Variants in NLGN1 observed in about 807,000 individuals in gnomAD.
NLGN1 encodes neuroligin 1, also known as neuroligin-1.
NLGN1 carries 12 observed loss-of-function variants against 65.5 expected under a neutral mutation model. The ratio of observed to expected loss-of-function variants is 0.18; its 90% CI spans 0.12 to 0.30. The LOEUF (loss-of-function observed/expected upper bound fraction) is 0.30. Ranked by LOEUF, NLGN1 falls within the 10% of genes least tolerant of loss-of-function variation. The pLI is 1.00. For synonymous variants in NLGN1, 350 were observed against 359.5 expected (o/e 0.97, Z 0.30); for missense variants, 750 against 1,007.1 (o/e 0.74, Z 3.46).
At chr3:173,663,384 A>G (rs1577820591) in intron 3 of NLGN1, among the ~76,000 whole-genome samples, 1 of 152,058 alleles carries the variant, frequency 6.6e-6, no homozygotes, top group East Asian at 1.9e-4. Context: ...TTAACTTATT[A>G]AGGTTTTACA....
At chr3:173,890,395 T>C (rs1351762644) in intron 4 of NLGN1, among the ~76,000 whole-genome samples, 1 of 152,174 alleles carries the variant, frequency 6.6e-6, no homozygotes, top group Non-Finnish European at 1.5e-5. Context: ...GAGACCGCAG[T>C]GTGTGCCTTT....
intron 1 of NLGN1, among the ~76,000 whole-genome samples, chr3:173,422,317 A>T (rs905313040): frequency 2.5e-4 from 38 of 152,204 alleles, no homozygotes; most frequent in African/African-American, 8.2e-4. Flanking sequence ...AGAGCTAAAA[A>T]GTTTATCTCA....
chr3:173,916,242 G>A (rs1278935022), intron 4 of NLGN1, among the ~76,000 whole-genome samples: 6 of 152,156 alleles, frequency 3.9e-5, no homozygotes, highest in African/African-American at 1.4e-4. Flanking sequence ...AAGTTCAGTT[G>A]CCTTTCAGCT....
chr3:173,737,813 C>T (rs2150091402), intron 3 of NLGN1, among the ~76,000 whole-genome samples: 1 of 152,114 alleles, frequency 6.6e-6, no homozygotes, highest in East Asian at 1.9e-4. Context: ...CAATATTTAA[C>T]ACTTTGAGGT....
intron 4 of NLGN1, among the ~76,000 whole-genome samples, chr3:173,861,614 A>T (rs1294589564): frequency 6.6e-6 from 1 of 151,458 alleles, no homozygotes; most frequent in Non-Finnish European, 1.5e-5. Flanking sequence ...ATATATACAT[A>T]TAATTACAAC....
At chr3:173,464,440 T>C (rs1723952107) in intron 2 of NLGN1, among the ~76,000 whole-genome samples, 1 of 151,314 alleles carries the variant, frequency 6.6e-6, no homozygotes, top group African/African-American at 2.4e-5. Context: ...TTACAATTTT[T>C]TTTTTTTTTT....
chr3:174,087,088 T>C (rs890410077), intron 4 of NLGN1, among the ~76,000 whole-genome samples: 3 of 151,792 alleles, frequency 2.0e-5, no homozygotes, highest in Non-Finnish European at 4.4e-5. Flanking sequence ...CATGGACACA[T>C]AGAGGGGAAC....
At chr3:174,083,320 AT>A (rs1219614649) in intron 4 of NLGN1, among the ~76,000 whole-genome samples, 3 of 152,094 alleles carry the variant, frequency 2.0e-5, no homozygotes, top group African/African-American at 7.2e-5. Context: ...TATACAAATA[AT>A]CTTAATTTAT....
chr3:173,702,691 A>G (rs1223318542), intron 3 of NLGN1, among the ~76,000 whole-genome samples: 1 of 152,168 alleles, frequency 6.6e-6, no homozygotes, highest in Non-Finnish European at 1.5e-5. Flanking sequence ...GTCTTTGGAA[A>G]CATACTTGTG....
intron 3 of NLGN1, among the ~76,000 whole-genome samples, chr3:173,650,883 C>T (rs559947507): frequency 6.7e-6 from 1 of 148,274 alleles, no homozygotes; most frequent in Non-Finnish European, 1.5e-5. Context: ...GCTACTGCCT[C>T]TTGTTATTTT....
At chr3:173,563,706 A>G (rs1412128193) in intron 2 of NLGN1, among the ~76,000 whole-genome samples, 1 of 152,108 alleles carries the variant, frequency 6.6e-6, no homozygotes, top group Non-Finnish European at 1.5e-5. Context: ...ACCCTTGTAT[A>G]TTATAAATCT....
At chr3:173,519,761 A>G (rs984170844) in intron 2 of NLGN1, among the ~76,000 whole-genome samples, 4 of 151,060 alleles carry the variant, frequency 2.6e-5, no homozygotes, top group Non-Finnish European at 5.9e-5. Flanking sequence ...ATCTCAGATG[A>G]GAGTTTGGAC....
chr3:173,410,009 G>T (rs1712177624), intron 1 of NLGN1, among the ~76,000 whole-genome samples: 1 of 152,106 alleles, frequency 6.6e-6, no homozygotes, highest in Non-Finnish European at 1.5e-5. Context: ...AGCAAGATAA[G>T]GGGGAAAACA....
At chr3:173,438,664 G>A (rs530855459) in intron 2 of NLGN1, among the ~76,000 whole-genome samples, 6 of 152,090 alleles carry the variant, frequency 3.9e-5, no homozygotes, top group South Asian at 4.1e-4. Flanking sequence ...GAAAAACTGC[G>A]GAAGATTTAG....
intron 4 of NLGN1, among the ~76,000 whole-genome samples, chr3:174,167,068 G>A (rs1053062149): frequency 6.6e-6 from 1 of 151,836 alleles, no homozygotes. Context: ...TTGAGTCCAG[G>A]GGTTGTCATT....
chr3:173,500,998 T>G (rs1731014571), intron 2 of NLGN1, among the ~76,000 whole-genome samples: 1 of 152,212 alleles, frequency 6.6e-6, no homozygotes, highest in Non-Finnish European at 1.5e-5. Context: ...CTACTGGGTT[T>G]TTACAGTAAT....
At chr3:173,789,954 T>C (rs2046722) in intron 3 of NLGN1, 61,880 of 466,406 alleles carry the variant, frequency 0.13, 5,308 homozygotes, top group African/African-American at 0.32. Flanking sequence ...CAGAGCACAG[T>C]CCCTACCCTT....
intron 4 of NLGN1, among the ~76,000 whole-genome samples, chr3:174,101,270 T>C (rs759454540): frequency 5.3e-5 from 8 of 152,166 alleles, no homozygotes; most frequent in Non-Finnish European, 1.0e-4. Context: ...CGAGGATTCA[T>C]GAATCAGGCA....
chr3:173,448,945 T>C (rs1252936571), intron 2 of NLGN1, among the ~76,000 whole-genome samples: 1 of 152,202 alleles, frequency 6.6e-6, no homozygotes, highest in Non-Finnish European at 1.5e-5. Context: ...TATTTGATTC[T>C]TCTCTCTTTT....
Sources: allele counts gnomAD v4.1 joint callset (sites outside exome capture counted in the v4.1 genomes callset), GRCh38; gene constraint gnomAD v4.1.1; transcripts MANE v1.5; gene names NCBI Gene and HGNC (gene_info 2026-07-23, HGNC 2026-07-21).